Variants in SPOCK3 observed in about 807,000 individuals in gnomAD.
The protein encoded by SPOCK3 is SPARC (osteonectin), cwcv and kazal like domains proteoglycan 3.
A neutral mutation model predicts 56.6 loss-of-function variants in SPOCK3; 30 were observed. The observed-to-expected ratio is 0.53, with a 90% confidence interval of 0.40 to 0.72. SPOCK3 has a LOEUF of 0.72. Among genes scored for constraint, SPOCK3 ranks in the 30% least tolerant of loss-of-function variants. The probability of loss-of-function intolerance (pLI) is 0.00; values close to 1 mark genes in which losing one functional copy is unlikely to be tolerated. For synonymous variants in SPOCK3, 196 were observed against 183.3 expected, an observed-to-expected ratio of 1.07 and a Z score of -0.56; for missense variants, 527 against 530.0, an observed-to-expected ratio of 0.99 and a Z score of 0.06.
chr4:166,896,574 C>T (rs28547236), intron 5 of SPOCK3, among the ~76,000 whole-genome samples: 4 of 152,046 alleles, frequency 2.6e-5, no homozygotes, highest in Non-Finnish European at 4.4e-5. Flanking sequence ...CCCTATCTCT[C>T]GGTAAGGATG....
intron 7 of SPOCK3, among the ~76,000 whole-genome samples, chr4:166,776,320 G>A (rs974423578): frequency 1.3e-5 from 2 of 152,074 alleles, no homozygotes; most frequent in Admixed American, 6.6e-5. Context: ...GGCTGAGGCA[G>A]GAGAATCGCT....
intron 2 of SPOCK3, among the ~76,000 whole-genome samples, chr4:167,118,009 T>C (rs1320371808): frequency 6.6e-6 from 1 of 152,150 alleles, no homozygotes; most frequent in East Asian, 1.9e-4. Context: ...TTACATAAAA[T>C]GTTTGGTATG....
At chr4:167,192,056 C>T (rs1732512739) in intron 2 of SPOCK3, among the ~76,000 whole-genome samples, 1 of 145,728 alleles carries the variant, frequency 6.9e-6, no homozygotes, top group South Asian at 2.1e-4. Flanking sequence ...TTTTACCATT[C>T]ATTCTGTTAA....
intron 6 of SPOCK3, among the ~76,000 whole-genome samples, chr4:166,861,390 C>T (rs1156867865): frequency 6.6e-6 from 1 of 152,004 alleles, no homozygotes; most frequent in Non-Finnish European, 1.5e-5. Flanking sequence ...ACTAGCAATA[C>T]TAAAAACATG....
chr4:166,864,334 G>T (rs981424690), intron 6 of SPOCK3, among the ~76,000 whole-genome samples: 2 of 152,164 alleles, frequency 1.3e-5, no homozygotes, highest in Non-Finnish European at 2.9e-5. Context: ...AGGCTGGAAA[G>T]ATCTGAAATT....
At chr4:166,770,233 G>C (rs1359040915) in intron 7 of SPOCK3, among the ~76,000 whole-genome samples, 1 of 152,098 alleles carries the variant, frequency 6.6e-6, no homozygotes, top group South Asian at 2.1e-4. Context: ...GATGAACCGG[G>C]TACCTCAGTT....
At chr4:167,193,347 A>C (rs1052950796) in intron 2 of SPOCK3, among the ~76,000 whole-genome samples, 1 of 145,900 alleles carries the variant, frequency 6.9e-6, no homozygotes, top group Non-Finnish European at 1.5e-5. Context: ...TTGTTATAAT[A>C]TAGTAGTCTA....
rs983500976 is a variant in SPOCK3, at chr4:167,057,089, C to T, written c.235+5403G>A. Reference sequence around the variant, plus strand: ...CCCATCAGACTAACAGCGGATCTCTCGGCAGAAACTCTACAAGCCAGAAGA... The same window carrying T: ...CCCATCAGACTAACAGCGGATCTCTTGGCAGAAACTCTACAAGCCAGAAGA... On this transcript the variant is annotated intron_variant, in intron 3 of 10. Transcript: ENST00000357545. Among the ~76,000 whole-genome samples, 136 of 152,244 alleles carry T rather than the reference C, an allele frequency of 8.9e-4. 1 individual carries two copies. Among genetic ancestry groups the T allele is most frequent in the Middle Eastern group, 3.4e-3 (1 of 294 alleles).
intron 7 of SPOCK3, among the ~76,000 whole-genome samples, chr4:166,772,730 T>G (rs1739090914): frequency 6.6e-6 from 1 of 152,098 alleles, no homozygotes; most frequent in South Asian, 2.1e-4. Context: ...AAAACTACTT[T>G]TAGATTGAAT....
intron 6 of SPOCK3, among the ~76,000 whole-genome samples, chr4:166,846,296 T>C (rs565747974): frequency 3.3e-5 from 5 of 152,264 alleles, no homozygotes; most frequent in Admixed American, 1.3e-4. Context: ...GTTTAGTATG[T>C]TTCTATCATT....
At chr4:166,959,115 ATGT>A (rs1388186700) in intron 4 of SPOCK3, among the ~76,000 whole-genome samples, 2 of 152,270 alleles carry the variant, frequency 1.3e-5, no homozygotes, top group South Asian at 2.1e-4. Context: ...AATGTGTGAA[ATGT>A]TGTTGTTATT....
At chr4:166,962,158 T>G (rs1003534045) in intron 4 of SPOCK3, among the ~76,000 whole-genome samples, 2 of 152,154 alleles carry the variant, frequency 1.3e-5, no homozygotes, top group African/African-American at 4.8e-5. Context: ...ACTCCAATAA[T>G]CCATGAAATT....
chr4:166,786,605 A>G (rs1740753874), intron 7 of SPOCK3, among the ~76,000 whole-genome samples: 1 of 152,236 alleles, frequency 6.6e-6, no homozygotes, highest in Non-Finnish European at 1.5e-5. Flanking sequence ...ACTCAGGGAC[A>G]GAAAATAGGT....
chr4:166,890,224 C>A (rs942472936), intron 5 of SPOCK3, among the ~76,000 whole-genome samples: 1 of 151,818 alleles, frequency 6.6e-6, no homozygotes, highest in Non-Finnish European at 1.5e-5. Flanking sequence ...TTCCACCACA[C>A]AGGTAATGGA....
intron 2 of SPOCK3, among the ~76,000 whole-genome samples, chr4:167,128,643 T>C (rs780028430): frequency 6.6e-6 from 1 of 152,206 alleles, no homozygotes; most frequent in South Asian, 2.1e-4. Flanking sequence ...ACACTAATGA[T>C]AGCTGATGAG....
chr4:166,894,561 T>C lies in SPOCK3; in HGVS notation c.475-5317A>G, dbSNP rs184608493. ...AATGGCATCTAGAAACTGGCAATTGTAAAGAACTAGTTGAATTTAAGCTAA... is the reference window on the plus strand; with the variant it reads ...AATGGCATCTAGAAACTGGCAATTGCAAAGAACTAGTTGAATTTAAGCTAA... On this transcript the variant is annotated intron_variant, in intron 5 of 10. Transcript: ENST00000357545. Among the ~76,000 whole-genome samples the C allele has an allele frequency of 5.6e-4, 85 of 152,226 alleles. 1 individual carries two copies. Among genetic ancestry groups the C allele is most frequent in the Admixed American group, 5.5e-3 (84 of 15,260 alleles).
intron 3 of SPOCK3, among the ~76,000 whole-genome samples, chr4:167,037,457 G>A (rs1752856218): frequency 6.6e-6 from 1 of 150,730 alleles, no homozygotes; most frequent in African/African-American, 2.4e-5. Context: ...ACTCCGGCCT[G>A]GGCGACAGAG....
At chr4:166,900,315 C>A (rs1735898964) in intron 5 of SPOCK3, among the ~76,000 whole-genome samples, 1 of 152,074 alleles carries the variant, frequency 6.6e-6, no homozygotes, top group African/African-American at 2.4e-5. Flanking sequence ...TCCCGACCAC[C>A]CACAAGAATC....
intron 7 of SPOCK3, among the ~76,000 whole-genome samples, chr4:166,786,649 A>G (rs1028976302): frequency 3.3e-5 from 5 of 152,252 alleles, no homozygotes; most frequent in Non-Finnish European, 7.3e-5. Flanking sequence ...TATAACAAGT[A>G]GTCAATTCTT....
Sources: allele counts gnomAD v4.1 joint callset (sites outside exome capture counted in the v4.1 genomes callset), GRCh38; gene constraint gnomAD v4.1.1; transcripts MANE v1.5; gene names NCBI Gene and HGNC (gene_info 2026-07-23, HGNC 2026-07-21).